Variants in FEZ2 observed in about 807,000 individuals in gnomAD.
The protein encoded by FEZ2 is fasciculation and elongation protein zeta 2, also known as fasciculation and elongation protein zeta-2.
Under a neutral mutation model 40.4 loss-of-function variants are expected in FEZ2, and 51 were observed. The ratio of observed to expected loss-of-function variants is 1.26; its 90% CI spans 1.01 to 1.59. The LOEUF (loss-of-function observed/expected upper bound fraction) is 1.59. Ranked by LOEUF, FEZ2 falls within the 40% of genes most tolerant of loss-of-function variation. The pLI, the probability that FEZ2 is intolerant of heterozygous loss-of-function variation, is 0.00. For missense variants in FEZ2, 640 were observed against 438.3 expected (o/e 1.46, Z -4.11); for synonymous variants, 242 against 172.0 (o/e 1.41, Z -3.18).
intron 5 of FEZ2, among the ~76,000 whole-genome samples, chr2:36,566,116 A>T (rs1668231016): frequency 6.6e-6 from 1 of 152,180 alleles, no homozygotes; most frequent in African/African-American, 2.4e-5. Context: ...TAATAGTAGT[A>T]TAAGAAAAGT....
At chr2:36,588,884 T>A (rs848611) in intron 2 of FEZ2, among the ~76,000 whole-genome samples, 3 of 151,834 alleles carry the variant, frequency 2.0e-5, no homozygotes, top group African/African-American at 7.3e-5. Context: ...TGGATTAAAC[T>A]GTCTCACTCA....
intron 4 of FEZ2, among the ~76,000 whole-genome samples, chr2:36,580,878 C>T (rs1476446129): frequency 6.6e-6 from 1 of 152,108 alleles, no homozygotes; most frequent in Non-Finnish European, 1.5e-5. Context: ...TGGGGCCAGG[C>T]AATGGTGGCT....
chr2:36,566,250 G>A (rs1167784071), intron 5 of FEZ2, among the ~76,000 whole-genome samples: 1 of 151,826 alleles, frequency 6.6e-6, no homozygotes, highest in Non-Finnish European at 1.5e-5. Context: ...TGAGGCAGGA[G>A]AATGGCGTGA....
At chr2:36,591,070 CAAAT>C in intron 1 of FEZ2, 59 bp from the exon 2 acceptor site, 1 of 1,027,830 alleles carries the variant, frequency 9.7e-7, no homozygotes, top group Non-Finnish European at 1.5e-6. Flanking sequence ...CTTTCTTAAA[CAAAT>C]ATTCAGTGAA....
At chr2:36,571,672 G>A (rs918969986) in intron 5 of FEZ2, among the ~76,000 whole-genome samples, 3 of 151,376 alleles carry the variant, frequency 2.0e-5, no homozygotes, top group African/African-American at 7.3e-5. Flanking sequence ...AAGAATGTAT[G>A]TCAGGTAGAA....
Position 36,598,159 on chromosome 2 carries a change from C to A in FEZ2, c.-17G>T, listed in dbSNP as rs1016451948. The A allele has an allele frequency of 4.9e-6, 7 of 1,430,766 alleles. No homozygotes were observed. The African/African-American group carries it at 7.6e-5, about 16-fold the overall frequency. The allele number at this position is 1,430,766 out of a possible 1,614,324, so 88.6% of individuals were successfully genotyped here. ...CGCCGCCATCGCCGCCCGGAGCAGT[C>A]GCGCGCCCCGCCCAGGCCGGCCCAG... On this transcript the variant is annotated 5_prime_UTR_variant, in exon 1 of 8. Coordinates refer to ENST00000405912, the MANE Select transcript of FEZ2 (RefSeq NM_005102.3).
At chr2:36,596,640 A>T (rs961693107) in intron 1 of FEZ2, among the ~76,000 whole-genome samples, 2 of 151,724 alleles carry the variant, frequency 1.3e-5, no homozygotes, top group Admixed American at 6.6e-5. Context: ...ATTTTTTTTT[A>T]ATTTTTTTGT....
At chr2:36,587,143 C>T (rs1668924972) in intron 2 of FEZ2, among the ~76,000 whole-genome samples, 1 of 152,060 alleles carries the variant, frequency 6.6e-6, no homozygotes, top group Non-Finnish European at 1.5e-5. Flanking sequence ...AAGAATGGCA[C>T]CAGATTTAGA....
At chr2:36,577,464 G>C (rs534734458) in intron 5 of FEZ2, among the ~76,000 whole-genome samples, 2 of 152,192 alleles carry the variant, frequency 1.3e-5, no homozygotes, top group East Asian at 1.9e-4. Flanking sequence ...TCCATGTTGA[G>C]GCTGGTCTCG....
At chr2:36,591,600 G>A (rs1425669842) in intron 1 of FEZ2, 1 of 152,576 alleles carries the variant, frequency 6.6e-6, no homozygotes, top group Admixed American at 6.5e-5. Context: ...TTGTAATAAA[G>A]AAGCTAAGCA....
chr2:36,585,175 C>T (rs546560497), intron 2 of FEZ2, among the ~76,000 whole-genome samples: 25 of 152,142 alleles, frequency 1.6e-4, no homozygotes, highest in Admixed American at 1.4e-3. Flanking sequence ...ACAATAGATG[C>T]TAGAAAATAA....
At chr2:36,597,844 C>G (rs1024727577) in intron 1 of FEZ2, 33 bp downstream of exon 1, 3 of 1,325,832 alleles carry the variant, frequency 2.3e-6, no homozygotes, top group Non-Finnish European at 2.9e-6. Context: ...AGGGGAGGCT[C>G]CCGCCCACTC....
At chr2:36,560,266 G>A (rs962341587) in intron 5 of FEZ2, among the ~76,000 whole-genome samples, 1 of 152,182 alleles carries the variant, frequency 6.6e-6, no homozygotes, top group Non-Finnish European at 1.5e-5. Flanking sequence ...TCGTTTGGCA[G>A]ACAACTGAGT....
At chr2:36,591,338 A>C in intron 1 of FEZ2, 1 of 220,824 alleles carries the variant, frequency 4.5e-6, no homozygotes, top group Admixed American at 5.5e-5. Flanking sequence ...ATCTTCAAAA[A>C]CAACATTAGA....
At chr2:36,594,222 C>G (rs1558461581) in intron 1 of FEZ2, among the ~76,000 whole-genome samples, 1 of 152,032 alleles carries the variant, frequency 6.6e-6, no homozygotes, top group Non-Finnish European at 1.5e-5. Flanking sequence ...CCACATTTTC[C>G]TGTCTTCTGA....
intron 5 of FEZ2, among the ~76,000 whole-genome samples, chr2:36,564,846 A>G (rs1668189238): frequency 6.6e-6 from 1 of 152,184 alleles, no homozygotes; most frequent in East Asian, 1.9e-4. Context: ...CATCTATGGA[A>G]TATGTCCATT....
At chr2:36,568,407 T>A (rs1443224709) in intron 5 of FEZ2, among the ~76,000 whole-genome samples, 1 of 152,352 alleles carries the variant, frequency 6.6e-6, no homozygotes, top group Non-Finnish European at 1.5e-5. Context: ...TTAATTTAAA[T>A]AACTGCAATA....
intron 5 of FEZ2, among the ~76,000 whole-genome samples, chr2:36,573,755 T>C (rs1463964132): frequency 6.6e-6 from 1 of 152,196 alleles, no homozygotes; most frequent in Admixed American, 6.5e-5. Context: ...AACAGGCATA[T>C]AAACATAATA....
At position 36,593,123 on chromosome 2, in the gene FEZ2, G is replaced by C. The variant is rs1044141896; in HGVS notation, c.267-2112C>G. Among the ~76,000 whole-genome samples, 3 of 152,188 alleles carry C rather than the reference G, an allele frequency of 2.0e-5. 1 individual carries two copies. The highest frequency in any genetic ancestry group is 4.4e-5 in the Non-Finnish European group (3 of 68,046). On this transcript the variant is annotated intron_variant, in intron 1 of 7. Coordinates refer to ENST00000405912, the MANE Select transcript of FEZ2 (RefSeq NM_005102.3). ...AGTCCATTTTCATGCAGCTGATAAA[G>C]ACATACCCAAGACTGGGACGAAAAA...
Sources: allele counts gnomAD v4.1 joint callset (sites outside exome capture counted in the v4.1 genomes callset), GRCh38; gene constraint gnomAD v4.1.1; transcripts MANE v1.5; gene names NCBI Gene and HGNC (gene_info 2026-07-23, HGNC 2026-07-21).